ANOS1: variants seen among roughly 807,000 people sequenced by gnomAD.
ANOS1 encodes anosmin-1.
ANOS1 carries 6 observed loss-of-function variants against 59.0 expected under a neutral mutation model. The ratio of observed to expected loss-of-function variants is 0.10; its 90% confidence interval spans 0.06 to 0.20. The LOEUF is 0.20. Among genes scored for constraint, ANOS1 ranks in the 10% least tolerant of loss-of-function variants. The pLI is 1.00. For synonymous variants in ANOS1, 217 were observed against 223.4 expected (o/e 0.97, Z 0.25); for missense variants, 433 against 542.3 (o/e 0.80, Z 2.00).
chrX:8,711,916 A>C (rs1040194202), intron 1 of ANOS1, among the ~76,000 whole-genome samples: 5 of 112,997 alleles, frequency 4.4e-5, no homozygotes, highest in African/African-American at 1.6e-4. Flanking sequence ...GGTCACACTA[A>C]ATTAGATTCA....
chrX:8,608,857 T>A (rs776801945), intron 3 of ANOS1, among the ~76,000 whole-genome samples: 1 of 112,365 alleles, frequency 8.9e-6, no homozygotes, highest in East Asian at 2.8e-4. Flanking sequence ...GATGCCTTGC[T>A]TCCCCTTCAC....
At chrX:8,676,304 G>A (rs1426557110) in intron 2 of ANOS1, among the ~76,000 whole-genome samples, 1 of 111,659 alleles carries the variant, frequency 9.0e-6, no homozygotes, top group African/African-American at 3.3e-5. Context: ...CATAACTAAT[G>A]TGCAACTACT....
chrX:8,549,025 A>G (rs762764609), intron 9 of ANOS1, among the ~76,000 whole-genome samples: 1 of 112,136 alleles, frequency 8.9e-6, no homozygotes, highest in South Asian at 3.7e-4. Flanking sequence ...GGTCCAAGTC[A>G]CTAAACATCA....
chrX:8,530,909 T>G lies in ANOS1; in HGVS notation c.*2086A>C, dbSNP rs959185537. ...TTTTAAGAACTTGAAATTCAGATGC[T>G]GGTAATGACACCAGAATAAAAAAGA... On this transcript the variant is annotated 3_prime_UTR_variant, in exon 14 of 14. Coordinates refer to ENST00000262648, the MANE Select transcript of ANOS1 (RefSeq NM_000216.4). 9.0e-6 allele frequency: 1 copy of G among 110,767 alleles called. No individual in the cohort carries two copies. The highest frequency in any genetic ancestry group is 1.9e-5 in the Non-Finnish European group (1 of 52,938). 9.1% of individuals were successfully genotyped at this position (110,767 alleles called of 1,213,427 possible).
chrX:8,549,333 T>C (rs966007359), intron 9 of ANOS1, among the ~76,000 whole-genome samples: 1 of 112,282 alleles, frequency 8.9e-6, no homozygotes, highest in Non-Finnish European at 1.9e-5. Flanking sequence ...CCAACAACCA[T>C]GTTTCCTATT....
intron 2 of ANOS1, among the ~76,000 whole-genome samples, chrX:8,674,630 A>G (rs1932307257): frequency 8.9e-6 from 1 of 112,642 alleles, no homozygotes; most frequent in African/African-American, 3.2e-5. Flanking sequence ...ACAATGTTTT[A>G]AGAAAGTTTA....
At chrX:8,546,719 A>G (rs987692746) in intron 9 of ANOS1, among the ~76,000 whole-genome samples, 2 of 111,862 alleles carry the variant, frequency 1.8e-5, no homozygotes, top group African/African-American at 3.3e-5. Context: ...CCAAAACCAA[A>G]TTCTCCATAT....
chrX:8,668,764 G>A (rs1007701520), intron 2 of ANOS1, among the ~76,000 whole-genome samples: 3 of 109,819 alleles, frequency 2.7e-5, no homozygotes, highest in African/African-American at 6.6e-5. Context: ...CAAAGGTGCA[G>A]GGTGCCAGCT....
chrX:8,595,542 T>G (rs1930719133), intron 4 of ANOS1, among the ~76,000 whole-genome samples: 1 of 112,184 alleles, frequency 8.9e-6, no homozygotes, highest in Admixed American at 9.5e-5. Context: ...TGAATTGTTG[T>G]AAGTGTTAGA....
At chrX:8,716,271 C>T (rs1932841548) in intron 1 of ANOS1, among the ~76,000 whole-genome samples, 1 of 112,099 alleles carries the variant, frequency 8.9e-6, no homozygotes, top group Non-Finnish European at 1.9e-5. Context: ...TGATCATGCT[C>T]ACATGCCACG....
chrX:8,549,821 C>G (rs991945626), intron 9 of ANOS1, among the ~76,000 whole-genome samples: 2 of 112,298 alleles, frequency 1.8e-5, no homozygotes, highest in Admixed American at 9.5e-5. Flanking sequence ...GATCATTTCA[C>G]TAGATGAAGT....
At chrX:8,677,164 G>A (rs1205078199) in intron 2 of ANOS1, among the ~76,000 whole-genome samples, 7 of 111,365 alleles carry the variant, frequency 6.3e-5, no homozygotes, top group Non-Finnish European at 1.3e-4. Context: ...ATATTGGGCC[G>A]ATGGTTCCTT....
intron 8 of ANOS1, among the ~76,000 whole-genome samples, chrX:8,561,149 T>C (rs754611120): frequency 8.9e-6 from 1 of 111,962 alleles, no homozygotes; most frequent in East Asian, 2.8e-4. Context: ...CAATTTTTCC[T>C]GACACTGGCA....
At chrX:8,594,738 GTA>G (rs1445185628) in intron 4 of ANOS1, among the ~76,000 whole-genome samples, 3 of 64,914 alleles carry the variant, frequency 4.6e-5, no homozygotes, top group African/African-American at 6.3e-5. Context: ...ATATATATGT[GTA>G]TATATATATA....
intron 2 of ANOS1, among the ~76,000 whole-genome samples, chrX:8,688,071 G>T (rs1420906318): frequency 8.9e-6 from 1 of 111,929 alleles, no homozygotes; most frequent in Non-Finnish European, 1.9e-5. Context: ...GTATAAGGTG[G>T]AGTCAAAATT....
chrX:8,636,447 A>C (rs766766027), intron 2 of ANOS1, among the ~76,000 whole-genome samples: 1 of 112,331 alleles, frequency 8.9e-6, no homozygotes, highest in East Asian at 2.8e-4. Context: ...TCAGTAATAT[A>C]TAAGAATGCC....
At chrX:8,539,226 A>G (rs757238885) in intron 10 of ANOS1, among the ~76,000 whole-genome samples, 2 of 110,772 alleles carry the variant, frequency 1.8e-5, no homozygotes, top group Admixed American at 9.7e-5. Flanking sequence ...TATTTCACTA[A>G]CTGAGCTGAT....
chrX:8,650,450 A>G (rs1931832759), intron 2 of ANOS1, among the ~76,000 whole-genome samples: 1 of 112,312 alleles, frequency 8.9e-6, no homozygotes, highest in Admixed American at 9.5e-5. Context: ...TCCTACTATA[A>G]AATATCATCT....
At position 8,725,565 on chromosome X, in the gene ANOS1, GATATACATA is replaced by G. The variant is rs1932905967; in HGVS notation, c.207+6256_207+6264del. 9.4e-5 allele frequency among the ~76,000 whole-genome samples: 6 copies of G among 63,616 alleles called. 2 individuals carry two copies. In the East Asian group the frequency reaches 4.0e-3, roughly 42 times the overall value. The allele number at this position is 63,616 out of a possible 115,157, so 55.2% of individuals were successfully genotyped here. A position where few individuals can be genotyped will look rare whatever the true frequency, so the allele number is the denominator to read the frequency against. On this transcript the variant is annotated intron_variant, in intron 1 of 13. Coordinates refer to ENST00000262648, the MANE Select transcript of ANOS1 (RefSeq NM_000216.4). ...ATATATATACAGATATATATATACAGATATACATATATACAGATATATATATACAGATAT... is the reference window on the plus strand; with the variant it reads ...ATATATATACAGATATATATATACAGTATACAGATATATATATACAGATAT...
Sources: gnomAD v4.1 joint callset for allele counts (sites outside exome capture counted in the v4.1 genomes callset) on GRCh38, gnomAD v4.1.1 for gene constraint, MANE v1.5 for transcripts, NCBI Gene and HGNC (gene_info 2026-07-23, HGNC 2026-07-21) for gene names.